The following SYNE1 variants were observed in gnomAD, a reference collection of about 807,000 sequenced individuals.
The protein encoded by SYNE1 is spectrin repeat containing nuclear envelope protein 1, also known as nesprin-1.
A neutral mutation model predicts 1,111.0 loss-of-function variants in SYNE1; 616 were observed. The observed-to-expected ratio is 0.55, with a 90% CI of 0.52 to 0.59. SYNE1 has a LOEUF of 0.59. Among genes scored for constraint, SYNE1 ranks in the 20% least tolerant of loss-of-function variants. The probability of loss-of-function intolerance (pLI) is 0.00; values close to 1 mark genes in which losing one functional copy is unlikely to be tolerated. For missense variants in SYNE1, 10,006 were observed against 10,417.0 expected (o/e 0.96, Z 1.72); for synonymous variants, 3,855 against 3,825.8 (o/e 1.01, Z -0.28).
At position 152,441,236 on chromosome 6, in the gene SYNE1, T is replaced by A; in HGVS notation, c.4043A>T (p.Asn1348Ile). The stretch of plus-strand genomic sequence containing the variant: ...AAGGTATCTTACTACTGTTTCTTTG[T>A]TTGTTTCAAATCGCTCCCATTTTCT... ...TLRKWERFET[N>I]KETVVRYLFQ... The change falls in exon 32 of 146, where the codon AAC (asparagine) becomes ATC (isoleucine). Residue 1348 changes from asparagine to isoleucine, a missense_variant. Transcript: ENST00000367255. The A allele has an allele frequency of 1.9e-6, 3 of 1,611,252 alleles. No individual in the cohort carries two copies. Among genetic ancestry groups the A allele is most frequent in the Non-Finnish European group, 2.5e-6 (3 of 1,178,156 alleles).
rs1047321216 is a variant in SYNE1 at position 152,505,548 on chromosome 6, A to G, written c.582-151T>C. The G allele has an allele frequency of 5.7e-5, 44 of 775,284 alleles. No individual in the cohort carries two copies. The Admixed American group carries it at 6.8e-4, about 12-fold the overall frequency. 48.0% of individuals were successfully genotyped at this position (775,284 alleles called of 1,614,324 possible). A position where few individuals can be genotyped will look rare whatever the true frequency, so the allele number is the denominator to read the frequency against. On this transcript the variant is annotated intron_variant, in intron 8 of 145. Transcript: ENST00000367255. ...ATTTGAGAAAAATTAAGGGAAACAA[A>G]ATTTTTAGGGGGCAACAAGATAAGA...
intron 132 of SYNE1, among the ~76,000 whole-genome samples, chr6:152,155,650 G>A (rs551574642): frequency 6.6e-6 from 1 of 152,156 alleles, no homozygotes; most frequent in African/African-American, 2.4e-5. Context: ...TGTTATGCTT[G>A]TTTGACAAGG....
At position 152,325,629 on chromosome 6, in the gene SYNE1, T is replaced by C. The variant is rs1284708138; in HGVS notation, c.15439-327A>G. Among the ~76,000 whole-genome samples, 48 of 152,250 alleles carry C rather than the reference T, an allele frequency of 3.2e-4. 1 individual carries two copies. Among genetic ancestry groups the C allele is most frequent in the Non-Finnish European group, 2.9e-5 (2 of 68,038 alleles). On this transcript the variant is annotated intron_variant, in intron 80 of 145. Transcript: ENST00000367255. ...CAATATTTTAGTATGTTACATTTTTTCCTTATATTGCTCTGATAAAGGGAG... is the reference window on the plus strand; with the variant it reads ...CAATATTTTAGTATGTTACATTTTTCCCTTATATTGCTCTGATAAAGGGAG...
At chr6:152,603,750 C>A (rs1253299782) in intron 3 of SYNE1, among the ~76,000 whole-genome samples, 2 of 144,520 alleles carry the variant, frequency 1.4e-5, no homozygotes, top group African/African-American at 5.2e-5. Flanking sequence ...ATTATTTAAG[C>A]CCAGGAATTC....
rs2077980765 is a variant in SYNE1, at chr6:152,213,628, T to C, written c.22478A>G (p.Gln7493Arg). The change falls in exon 123 of 146, where the codon CAG (glutamine) becomes CGG (arginine). Residue 7493 changes from glutamine to arginine, a missense_variant. Gln to Arg is a conservative substitution (Grantham distance 43). Coordinates refer to ENST00000367255, the MANE Select transcript of SYNE1 (RefSeq NM_182961.4). ...ACAACTTACCTCGTGTGCTCTCTGC[T>C]GTTCCAAAAGGTGCTGATAATTTCC... ...ISGNYQHLLE[Q>R]QRAHELFQAE... The C allele has an allele frequency of 1.2e-6, 2 of 1,614,028 alleles. No homozygotes were observed.
chr6:152,631,108 A>G (rs1473708002), intron 2 of SYNE1, among the ~76,000 whole-genome samples: 5 of 152,238 alleles, frequency 3.3e-5, no homozygotes. Flanking sequence ...CAAAAATACC[A>G]GGGCTAAGTG....
intron 3 of SYNE1, among the ~76,000 whole-genome samples, chr6:152,627,551 G>A (rs979198056): frequency 6.6e-6 from 1 of 151,900 alleles, no homozygotes; most frequent in Non-Finnish European, 1.5e-5. Flanking sequence ...CCAGCTACTT[G>A]TGAGGCTGAG....
At chr6:152,584,251 GGAGAGA>G (rs373173920) in intron 3 of SYNE1, among the ~76,000 whole-genome samples, 4 of 150,374 alleles carry the variant, frequency 2.7e-5, no homozygotes, top group African/African-American at 4.9e-5. Context: ...CAATAAATAT[GGAGAGA>G]GAGAGAGAGA....
intron 119 of SYNE1, among the ~76,000 whole-genome samples, chr6:152,220,545 T>G (rs1178973851): frequency 2.0e-5 from 3 of 152,170 alleles, no homozygotes; most frequent in Non-Finnish European, 4.4e-5. Context: ...TGGTCATGTC[T>G]TATATTGACC....
intron 40 of SYNE1, among the ~76,000 whole-genome samples, chr6:152,417,460 T>C (rs1454235386): frequency 6.6e-6 from 1 of 151,980 alleles, no homozygotes; most frequent in Non-Finnish European, 1.5e-5. Context: ...ATTGCACCAC[T>C]GCACTCCAGC....
At chr6:152,394,770 C>A (rs1395734780) in intron 51 of SYNE1, among the ~76,000 whole-genome samples, 1 of 142,852 alleles carries the variant, frequency 7.0e-6, no homozygotes, top group East Asian at 2.1e-4. Flanking sequence ...ATACAGTACT[C>A]TTTTTTTTTT....
At chr6:152,145,703 A>G in intron 137 of SYNE1, 1 of 716,048 alleles carries the variant, frequency 1.4e-6, no homozygotes, top group Non-Finnish European at 2.5e-6. Flanking sequence ...GTGCAGGCTC[A>G]CCAAAGCTTT....
At chr6:152,486,967 G>T (rs1199254309) in intron 12 of SYNE1, among the ~76,000 whole-genome samples, 1 of 152,082 alleles carries the variant, frequency 6.6e-6, no homozygotes, top group African/African-American at 2.4e-5. Flanking sequence ...ATTTAATTTT[G>T]CCACTAAAAG....
At chr6:152,305,737 T>C (rs1196163468) in intron 91 of SYNE1, among the ~76,000 whole-genome samples, 7 of 152,226 alleles carry the variant, frequency 4.6e-5, no homozygotes, top group Non-Finnish European at 7.3e-5. Context: ...CAGTTAAGCT[T>C]TCTCCACTCA....
Position 152,428,233 on chromosome 6 carries a change from G to A in SYNE1, c.4948C>T (p.Leu1650=), listed in dbSNP as rs2098389913. 6.2e-7 allele frequency: 1 copy of A among 1,613,682 alleles called. No homozygotes were observed. ...TGCCAGTGGGCCAGCAGATTCTCCAGCGCCGTCTGTCTCTCCTTCGCCCTC... is the reference window on the plus strand; with the variant it reads ...TGCCAGTGGGCCAGCAGATTCTCCAACGCCGTCTGTCTCTCCTTCGCCCTC... ...LRRAKERQTA[L]ENLLAHWQRL... is the part of the protein sequence containing the mutation. The change falls in exon 37 of 146, where the codon CTG becomes TTG. Residue 1650 remains leucine, a synonymous_variant. Coordinates refer to ENST00000367255, the MANE Select transcript of SYNE1 (RefSeq NM_182961.4).
At chr6:152,536,412 AATAT>A (rs1491122443) in intron 4 of SYNE1, among the ~76,000 whole-genome samples, 1 of 79,854 alleles carries the variant, frequency 1.3e-5, no homozygotes, top group African/African-American at 3.3e-5. Flanking sequence ...TATATATAGT[AATAT>A]ATATATTTAT....
chr6:152,251,171 G>A (rs960687645), intron 104 of SYNE1, among the ~76,000 whole-genome samples: 1 of 151,708 alleles, frequency 6.6e-6, no homozygotes, highest in Non-Finnish European at 1.5e-5. Context: ...GGCTGGTCGC[G>A]AACTCCTGAG....
At chr6:152,409,857 G>A in intron 42 of SYNE1, 148 bp from the exon 43 acceptor site, 2 of 835,998 alleles carry the variant, frequency 2.4e-6, no homozygotes, top group Non-Finnish European at 3.8e-6. Flanking sequence ...AGTGCTGCTG[G>A]TTAATCCTAC....
At chr6:152,471,120 C>T (rs1194910168) in intron 16 of SYNE1, among the ~76,000 whole-genome samples, 1 of 151,800 alleles carries the variant, frequency 6.6e-6, no homozygotes, top group Non-Finnish European at 1.5e-5. Context: ...GGCAATGAAG[C>T]CCAGGGAATT....
Sources: allele counts gnomAD v4.1 joint callset (sites outside exome capture counted in the v4.1 genomes callset), GRCh38; gene constraint gnomAD v4.1.1; transcripts MANE v1.5; gene names NCBI Gene and HGNC (gene_info 2026-07-23, HGNC 2026-07-21).